The following RAB19 variants were observed in gnomAD, a reference collection of about 807,000 sequenced individuals.
The protein encoded by RAB19 is ras-related protein Rab-19.
RAB19 carries 21 observed loss-of-function variants against 17.3 expected under a neutral mutation model. That is an observed-to-expected ratio of 1.21 (90% CI 0.86 to 1.74). The LOEUF is 1.74. RAB19 is among the 40% of genes most tolerant of loss of function. The pLI, the probability that RAB19 is intolerant of heterozygous loss-of-function variation, is 0.00. For missense variants in RAB19, 277 were observed against 286.8 expected, an observed-to-expected ratio of 0.97 and a Z score of 0.25; for synonymous variants, 126 against 110.4, an observed-to-expected ratio of 1.14 and a Z score of -0.88.
rs368651961 is a variant in RAB19, at chr7:140,404,659, AAAGT to A, written c.-24+445_-24+448del. Among the ~76,000 whole-genome samples, 847 of 152,284 alleles carry A rather than the reference AAAGT, an allele frequency of 5.6e-3. 1 individual carries two copies. Among genetic ancestry groups the A allele is most frequent in the Middle Eastern group, 0.014 (4 of 294 alleles). ...CTTGTCTATGACTTTAGAGAAAACC[AAAGT>A]AAAACGGAGAGGTGAAGAAGGATGT... On this transcript the variant is annotated intron_variant, in intron 1 of 3. Transcript: ENST00000537763.
chr7:140,424,405 C>T (rs1359061632), intron 3 of RAB19, among the ~76,000 whole-genome samples: 2 of 152,032 alleles, frequency 1.3e-5, no homozygotes, highest in Admixed American at 6.6e-5. Flanking sequence ...TATCCACCCA[C>T]CTCGGCTTCC....
Position 140,426,265 on chromosome 7 carries a change from T to TC in RAB19, c.*116dup, listed in dbSNP as rs1209124149. The TC allele has an allele frequency of 9.1e-6, 11 of 1,202,314 alleles. No homozygotes were observed. The highest frequency in any genetic ancestry group is 1.3e-5 in the Non-Finnish European group (11 of 875,058). The allele number at this position is 1,202,314 out of a possible 1,614,324, so 74.5% of individuals were successfully genotyped here. A position where few individuals can be genotyped will look rare whatever the true frequency, so the allele number is the denominator to read the frequency against. On this transcript the variant is annotated 3_prime_UTR_variant, in exon 4 of 4. Transcript: ENST00000537763. ...TTAGACCCCAGCGTGGACTTGCCGCTCACCCCTAATCCTCCCAGTCTGGAT... is the reference window on the plus strand; with the variant it reads ...TTAGACCCCAGCGTGGACTTGCCGCTCCACCCCTAATCCTCCCAGTCTGGAT...
rs1332318717 is a variant in RAB19, at chr7:140,426,896, T to C, written c.*746T>C. ...ATACTCTGTCACCCAAGCTGGAGTA[T>C]AGTGGTGGGATCTTGGCTCACTGCA... On this transcript the variant is annotated 3_prime_UTR_variant, in exon 4 of 4. Transcript: ENST00000537763. Among the ~76,000 whole-genome samples the C allele has an allele frequency of 6.7e-6, 1 of 148,772 alleles. No homozygotes were observed. Among genetic ancestry groups the C allele is most frequent in the African/African-American group, 2.5e-5 (1 of 40,030 alleles).
chr7:140,406,077 G>C (rs1320861344), intron 1 of RAB19, among the ~76,000 whole-genome samples: 4 of 151,206 alleles, frequency 2.6e-5, no homozygotes, highest in Non-Finnish European at 5.9e-5. Flanking sequence ...ACCCTGTATC[G>C]ACTAAAAATA....
intron 2 of RAB19, among the ~76,000 whole-genome samples, chr7:140,410,313 C>CTTTTTTTTTTTTTTTTTTTTTT (rs762151021): frequency 1.2e-5 from 1 of 81,038 alleles, no homozygotes. Flanking sequence ...TTGTATTTTT[C>CTTTTTTTTTTTTTTTTTTTTTT]TTTTTTTTTT....
chr7:140,408,243 G>T (rs1240407647), intron 2 of RAB19, among the ~76,000 whole-genome samples: 2 of 151,956 alleles, frequency 1.3e-5, no homozygotes, highest in South Asian at 2.1e-4. Flanking sequence ...AGCAATAAAA[G>T]ATTTCAGTAC....
intron 3 of RAB19, among the ~76,000 whole-genome samples, chr7:140,414,608 T>C (rs1381855294): frequency 6.6e-6 from 1 of 152,162 alleles, no homozygotes; most frequent in Non-Finnish European, 1.5e-5. Context: ...AGTGTCCTAG[T>C]CTCCCAGTTT....
chr7:140,406,916 G>A (rs370525348), intron 1 of RAB19, among the ~76,000 whole-genome samples: 10 of 150,728 alleles, frequency 6.6e-5, no homozygotes, highest in African/African-American at 1.7e-4. Flanking sequence ...GTGGAGTTTC[G>A]CTCTTGTTGC....
intron 3 of RAB19, among the ~76,000 whole-genome samples, chr7:140,413,876 A>G (rs996157333): frequency 5.3e-5 from 8 of 152,116 alleles, no homozygotes; most frequent in African/African-American, 1.7e-4. Flanking sequence ...GGCGGAATGC[A>G]CGCATCTCAC....
At chr7:140,409,066 G>C (rs185140985) in intron 2 of RAB19, among the ~76,000 whole-genome samples, 84 of 151,678 alleles carry the variant, frequency 5.5e-4, no homozygotes, top group Middle Eastern at 6.8e-3. Context: ...GGCCTTAAAA[G>C]GTCAAATTTT....
chr7:140,426,221 G>A lies in RAB19; in HGVS notation c.*71G>A. ...AACCAAAGGTAGCCAGGATACCGTA[G>A]TGTTGCCCCAGTGGCGCTTTAGACC... On this transcript the variant is annotated 3_prime_UTR_variant, in exon 4 of 4. Coordinates refer to ENST00000537763, the MANE Select transcript of RAB19 (RefSeq NM_001008749.3). 6.5e-7 allele frequency: 1 copy of A among 1,548,660 alleles called. No homozygotes were observed. Among genetic ancestry groups the A allele is most frequent in the Non-Finnish European group, 8.7e-7 (1 of 1,148,422 alleles).
At chr7:140,418,363 GCAA>G (rs1799497238) in intron 3 of RAB19, among the ~76,000 whole-genome samples, 1 of 134,316 alleles carries the variant, frequency 7.4e-6, no homozygotes, top group South Asian at 2.3e-4. Flanking sequence ...ACCAGCCTGG[GCAA>G]CATGGTGAAA....
chr7:140,406,332 A>C (rs938518431), intron 1 of RAB19, among the ~76,000 whole-genome samples: 5 of 151,756 alleles, frequency 3.3e-5, no homozygotes, highest in African/African-American at 1.2e-4. Flanking sequence ...TTTGTGAAAC[A>C]CTGTCATTAG....
chr7:140,418,533 G>A (rs1401802511), intron 3 of RAB19, among the ~76,000 whole-genome samples: 10 of 150,324 alleles, frequency 6.7e-5, no homozygotes, highest in East Asian at 3.9e-4. Flanking sequence ...CCGAGATTGC[G>A]CCACTGCACT....
chr7:140,415,041 C>A, intron 3 of RAB19, among the ~76,000 whole-genome samples: 1 of 151,894 alleles, frequency 6.6e-6, no homozygotes, highest in South Asian at 2.1e-4. Context: ...ACCCTCACTC[C>A]ATCAGACCTG....
intron 2 of RAB19, chr7:140,410,915 A>C (rs1799347452): frequency 7.3e-7 from 1 of 1,365,188 alleles, no homozygotes; most frequent in Admixed American, 1.9e-5. Context: ...CTAATTTGGG[A>C]GGTATTATTG....
chr7:140,426,153 T>A lies in RAB19; in HGVS notation c.*3T>A. On this transcript the variant is annotated 3_prime_UTR_variant, in exon 4 of 4. Coordinates refer to ENST00000537763, the MANE Select transcript of RAB19 (RefSeq NM_001008749.3). ...AAAAGACCCACTGCACTTGCTAAGA[T>A]GTTTGCAAAGCCAGTTGCACCCACC... 1.9e-6 allele frequency: 3 copies of A among 1,611,360 alleles called. No homozygotes were observed. In the South Asian group the frequency reaches 3.3e-5, roughly 18 times the overall value.
Position 140,408,058 on chromosome 7 carries a change from T to A in RAB19, c.201+211T>A, listed in dbSNP as rs187988739. On this transcript the variant is annotated intron_variant, in intron 2 of 3. Transcript: ENST00000537763. Reference sequence around the variant, plus strand: ...ACGCCCGGCAAATTTTTTTTTTTTTTATGTATTTTTAGTAGAGATGGGGTT... The same window carrying A: ...ACGCCCGGCAAATTTTTTTTTTTTTAATGTATTTTTAGTAGAGATGGGGTT... Among the ~76,000 whole-genome samples, 12 of 149,798 alleles carry A rather than the reference T, an allele frequency of 8.0e-5. No homozygotes were observed. In the Middle Eastern group the frequency reaches 0.01, roughly 127 times the overall value.
chr7:140,415,837 G>A (rs1054753121), intron 3 of RAB19, among the ~76,000 whole-genome samples: 22 of 151,778 alleles, frequency 1.4e-4, no homozygotes, highest in African/African-American at 3.9e-4. Flanking sequence ...CCCGGGAGGC[G>A]GAGGTTGCAG....
Sources: allele counts gnomAD v4.1 joint callset (sites outside exome capture counted in the v4.1 genomes callset), GRCh38; gene constraint gnomAD v4.1.1; transcripts MANE v1.5; gene names NCBI Gene and HGNC (gene_info 2026-07-23, HGNC 2026-07-21).